The following ASAH1 variants were observed in gnomAD, a reference collection of about 807,000 sequenced individuals.
ASAH1 encodes acid ceramidase.
In ASAH1, 70 loss-of-function variants were observed where a neutral mutation model predicts 59.5. That is an observed-to-expected ratio of 1.18 (90% CI 0.97 to 1.43). The LOEUF (loss-of-function observed/expected upper bound fraction) is 1.43. Ranked by LOEUF, ASAH1 falls within the 40% of genes most tolerant of loss-of-function variation. ASAH1 has a pLI of 0.00. For missense variants in ASAH1, 660 were observed against 482.5 expected (o/e 1.37, Z -3.45); for synonymous variants, 213 against 166.5 (o/e 1.28, Z -2.15).
intron 5 of ASAH1, 33 bp from the exon 6 acceptor site, chr8:18,064,564 A>G: frequency 8.1e-7 from 1 of 1,239,170 alleles, no homozygotes; most frequent in Non-Finnish European, 1.2e-6. Flanking sequence ...GTTAATATAC[A>G]GAACCATGAC....
intron 7 of ASAH1, 143 bp from the exon 8 acceptor site, chr8:18,062,566 T>G (rs1274213779): frequency 5.3e-6 from 5 of 934,686 alleles, no homozygotes; most frequent in Non-Finnish European, 8.2e-6. Context: ...CAATATGGTA[T>G]ATTTATTCTG....
At chr8:18,074,299 A>G (rs1483598989) in intron 2 of ASAH1, among the ~76,000 whole-genome samples, 1 of 152,134 alleles carries the variant, frequency 6.6e-6, no homozygotes, top group Admixed American at 6.5e-5. Context: ...TGGAATGAAC[A>G]CTGGCCCCAA....
rs4921833 is a variant in ASAH1, at chr8:18,069,552, G to T, written c.303+240C>A. ...ATACCACACTCCCAGATGAAATATG[G>T]TTATTTGCCCAATGTCGTAATGTAG... On this transcript the variant is annotated intron_variant, in intron 4 of 13. Coordinates refer to ENST00000637790, the MANE Select transcript of ASAH1 (RefSeq NM_177924.5). 0.42 allele frequency: 176,397 copies of T among 424,516 alleles called. 38,073 individuals carry two copies. The highest frequency in any genetic ancestry group is 0.51 in the Admixed American group (12,809 of 24,918). 26.3% of individuals were successfully genotyped at this position (424,516 alleles called of 1,614,324 possible). A position where few individuals can be genotyped will look rare whatever the true frequency, so the allele number is the denominator to read the frequency against.
intron 3 of ASAH1, 144 bp downstream of exon 3, chr8:18,071,156 G>A (rs1800152541): frequency 9.5e-6 from 3 of 315,362 alleles, no homozygotes; most frequent in Non-Finnish European, 1.6e-5. Context: ...GCGGCGAGCT[G>A]AGATCGTGCC....
chr8:18,059,915 T>C, intron 10 of ASAH1: 1 of 493,514 alleles, frequency 2.0e-6, no homozygotes, highest in Non-Finnish European at 3.6e-6. Flanking sequence ...TTTGTCCTAA[T>C]GCTCTCCCTC....
upstream of ASAH1, chr8:18,084,406 C>A (rs913167191): frequency 6.4e-6 from 9 of 1,396,398 alleles, no homozygotes; most frequent in East Asian, 1.4e-4. Context: ...GGGAGCTTCA[C>A]CCGTGGCGCC....
intron 1 of ASAH1, among the ~76,000 whole-genome samples, chr8:18,079,281 A>C (rs1483586958): frequency 1.3e-5 from 2 of 151,414 alleles, no homozygotes; most frequent in African/African-American, 4.9e-5. Flanking sequence ...TCAGAAAAAA[A>C]AAAAAAACAA....
chr8:18,070,146 A>T (rs1800101228), intron 3 of ASAH1, among the ~76,000 whole-genome samples: 1 of 137,998 alleles, frequency 7.2e-6, no homozygotes, highest in East Asian at 2.1e-4. Context: ...ATTCCCAGCT[A>T]ATTTTTGTAT....
chr8:18,067,443 G>T, intron 4 of ASAH1, 145 bp from the exon 5 acceptor site: 1 of 381,616 alleles, frequency 2.6e-6, no homozygotes, highest in Non-Finnish European at 4.4e-6. Context: ...ATCATAATAA[G>T]TGATAGGAAT....
chr8:18,058,521 T>C, intron 13 of ASAH1: 1 of 275,498 alleles, frequency 3.6e-6, no homozygotes, highest in South Asian at 6.1e-5. Context: ...CTTTGTTTTG[T>C]TGACATTTAG....
intron 5 of ASAH1, chr8:18,066,615 CTCAT>C: frequency 6.6e-6 from 1 of 152,210 alleles, no homozygotes. Context: ...AACTGAAACT[CTCAT>C]ACTCTGCTGA....
At chr8:18,076,678 G>T (rs572067437) in intron 1 of ASAH1, 137 of 152,330 alleles carry the variant, frequency 9.0e-4, no homozygotes, top group African/African-American at 3.1e-3. Flanking sequence ...CTTGAGCTCA[G>T]AAAACTCTTG....
At position 18,063,470 on chromosome 8, in the gene ASAH1, C is replaced by CTT. The variant is rs376358665; in HGVS notation, c.458-242_458-241dup. The CTT allele has an allele frequency of 0.048, 13,733 of 288,890 alleles. 162 individuals are homozygous for CTT. Among genetic ancestry groups the CTT allele is most frequent in the South Asian group, 0.07 (1,724 of 24,572 alleles). The allele number at this position is 288,890 out of a possible 1,614,324, so 17.9% of individuals were successfully genotyped here. On this transcript the variant is annotated intron_variant, in intron 6 of 13. Coordinates refer to ENST00000637790, the MANE Select transcript of ASAH1 (RefSeq NM_177924.5). ...AGACATGTGCGACCGCACCTGGCTA[C>CTT]TTTTTTTTTTTTTTTGTATTTTTCT...
intron 4 of ASAH1, chr8:18,068,606 G>A (rs1197378915): frequency 6.6e-6 from 1 of 152,248 alleles, no homozygotes; most frequent in Non-Finnish European, 1.5e-5. Flanking sequence ...GGACATTTTT[G>A]GTTGTCACAA....
At chr8:18,059,777 TTTTAC>T (rs956169652) in intron 10 of ASAH1, 74 bp from the exon 11 acceptor site, 7 of 1,427,500 alleles carry the variant, frequency 4.9e-6, no homozygotes, top group Non-Finnish European at 5.7e-6. Context: ...TATTTTTAAA[TTTTAC>T]TTTAAGTTCT....
At chr8:18,062,226 C>A (rs532912450) in intron 8 of ASAH1, 53 bp downstream of exon 8, 1 of 1,611,270 alleles carries the variant, frequency 6.2e-7, no homozygotes, top group Non-Finnish European at 8.5e-7. Context: ...TTTTACATAA[C>A]GGTAACAGGA....
rs1799493239 is a variant in ASAH1 at position 18,056,899 on chromosome 8, C to A, written c.*635G>T. On this transcript the variant is annotated 3_prime_UTR_variant, in exon 14 of 14. Transcript: ENST00000637790. Reference sequence around the variant, plus strand: ...AATTATTGTATAAAAGATTGCTTTGCATACTGATTACTTCTTGAACCCCAA... The same window carrying A: ...AATTATTGTATAAAAGATTGCTTTGAATACTGATTACTTCTTGAACCCCAA... 4 of 152,402 alleles carry A rather than the reference C, an allele frequency of 2.6e-5. No homozygotes were observed. The highest frequency in any genetic ancestry group is 1.3e-4 in the Admixed American group (2 of 15,316). The allele number at this position is 152,402 out of a possible 1,614,324, so 9.4% of individuals were successfully genotyped here.
At chr8:18,064,047 T>A (rs563310272) in intron 6 of ASAH1, 6 of 292,222 alleles carry the variant, frequency 2.1e-5, no homozygotes, top group African/African-American at 1.1e-4. Flanking sequence ...CTGGTATCCA[T>A]TGGGTTGCCT....
At chr8:18,080,833 C>T (rs1168501210) in intron 1 of ASAH1, among the ~76,000 whole-genome samples, 2 of 152,220 alleles carry the variant, frequency 1.3e-5, no homozygotes, top group African/African-American at 2.4e-5. Context: ...GCTGGGATTA[C>T]AGGCATGAGC....
Sources: gnomAD v4.1 joint callset for allele counts (sites outside exome capture counted in the v4.1 genomes callset) on GRCh38, gnomAD v4.1.1 for gene constraint, MANE v1.5 for transcripts, NCBI Gene and HGNC (gene_info 2026-07-23, HGNC 2026-07-21) for gene names.